KAZN: variants seen among roughly 807,000 people sequenced by gnomAD.
KAZN encodes kazrin.
Under a neutral mutation model 87.4 loss-of-function variants are expected in KAZN, and 40 were observed. That is an observed-to-expected ratio of 0.46 (90% CI 0.36 to 0.60). The LOEUF (loss-of-function observed/expected upper bound fraction) is 0.60, where lower values mean the gene tolerates loss of function less well. Among genes scored for constraint, KAZN ranks in the 20% least tolerant of loss-of-function variants. The probability of loss-of-function intolerance (pLI) is 0.00; values close to 1 mark genes in which losing one functional copy is unlikely to be tolerated. For missense variants in KAZN, 898 were observed against 1,073.9 expected (o/e 0.84, Z 2.29); for synonymous variants, 466 against 458.3 (o/e 1.02, Z -0.22).
chr1:13,982,908 A>G (rs1378335687), intron 1 of KAZN, among the ~76,000 whole-genome samples: 18 of 152,066 alleles, frequency 1.2e-4, no homozygotes, highest in Admixed American at 1.2e-3. Context: ...AAGTTCTCCA[A>G]GGCCCCACCA....
chr1:13,921,453 C>T (rs1233268261), intron 1 of KAZN, among the ~76,000 whole-genome samples: 3 of 152,180 alleles, frequency 2.0e-5, no homozygotes, highest in Non-Finnish European at 4.4e-5. Flanking sequence ...CAAAAAGAGG[C>T]AGTGGGTCTG....
At chr1:14,004,988 C>A (rs1253302703) in intron 1 of KAZN, among the ~76,000 whole-genome samples, 2 of 151,464 alleles carry the variant, frequency 1.3e-5, no homozygotes, top group African/African-American at 2.5e-5. Flanking sequence ...GAGTCCCCAT[C>A]AGCAAGAAGT....
At chr1:13,895,064 G>C (rs879368606) in intron 1 of KAZN, among the ~76,000 whole-genome samples, 3 of 152,194 alleles carry the variant, frequency 2.0e-5, no homozygotes, top group Admixed American at 2.0e-4. Context: ...TCATTGCAAA[G>C]ATTAATTAAG....
intron 1 of KAZN, among the ~76,000 whole-genome samples, chr1:14,655,800 G>A (rs996315621): frequency 2.0e-5 from 3 of 152,146 alleles, no homozygotes; most frequent in Admixed American, 2.0e-4. Flanking sequence ...GAAGTGTGCC[G>A]AACCCCTGTC....
At chr1:15,051,181 C>A (rs1674364912) in intron 4 of KAZN, among the ~76,000 whole-genome samples, 1 of 152,270 alleles carries the variant, frequency 6.6e-6, no homozygotes, top group Non-Finnish European at 1.5e-5. Context: ...CACTCATCTG[C>A]TGAAGGACCT....
chr1:14,868,771 G>C (rs1308553671), intron 1 of KAZN, among the ~76,000 whole-genome samples: 1 of 151,786 alleles, frequency 6.6e-6, no homozygotes, highest in East Asian at 1.9e-4. Context: ...TTGAGCCCAG[G>C]AACTCAAGGC....
intron 1 of KAZN, among the ~76,000 whole-genome samples, chr1:14,161,442 C>T (rs555514252): frequency 6.6e-6 from 1 of 152,318 alleles, no homozygotes; most frequent in African/African-American, 2.4e-5. Flanking sequence ...GTTTGTGCTA[C>T]TATTTAGTAA....
chr1:14,411,250 T>C (rs1664281834), intron 2 of KAZN, among the ~76,000 whole-genome samples: 2 of 152,222 alleles, frequency 1.3e-5, no homozygotes, highest in Middle Eastern at 3.4e-3. Flanking sequence ...AGAAACAAAT[T>C]ATCATTCAAG....
At chr1:14,984,061 G>C (rs1276208722) in intron 2 of KAZN, among the ~76,000 whole-genome samples, 1 of 152,150 alleles carries the variant, frequency 6.6e-6, no homozygotes, top group Admixed American at 6.5e-5. Context: ...AAATTATTTT[G>C]TGATTACAGA....
intron 8 of KAZN, among the ~76,000 whole-genome samples, chr1:15,073,558 T>G (rs4661317): frequency 0.39 from 59,705 of 152,028 alleles, 14,168 homozygotes; most frequent in East Asian, 0.79. Flanking sequence ...TTGGGGCCTT[T>G]CTAGGCCCCG....
At chr1:15,048,504 C>A (rs934451748) in intron 4 of KAZN, among the ~76,000 whole-genome samples, 1 of 152,220 alleles carries the variant, frequency 6.6e-6, no homozygotes, top group Non-Finnish European at 1.5e-5. Context: ...CCTACCGTTG[C>A]CCCCGCAGGA....
At chr1:13,912,137 T>C (rs1396158416) in intron 1 of KAZN, among the ~76,000 whole-genome samples, 1 of 152,130 alleles carries the variant, frequency 6.6e-6, no homozygotes, top group East Asian at 1.9e-4. Flanking sequence ...GTGCTCACGA[T>C]CAAAGGCAGC....
rs375029668 is a variant in KAZN at position 15,043,949 on chromosome 1, C to T, written c.556-40C>T. ...CATCCCTGGGCCAGGAGGAGCCTGGCTGTAACACCCACGGTGCTCTCTCCC... is the reference window on the plus strand; with the variant it reads ...CATCCCTGGGCCAGGAGGAGCCTGGTTGTAACACCCACGGTGCTCTCTCCC... On this transcript the variant is annotated intron_variant, in intron 3 of 14. Transcript: ENST00000376030. The T allele has an allele frequency of 2.5e-5, 39 of 1,565,192 alleles. 1 individual carries two copies. In the Admixed American group the frequency reaches 3.0e-4, roughly 12 times the overall value.
intron 1 of KAZN, among the ~76,000 whole-genome samples, chr1:14,676,028 C>T (rs1640197396): frequency 1.3e-5 from 2 of 151,820 alleles, no homozygotes; most frequent in Non-Finnish European, 1.5e-5. Flanking sequence ...AGATGCTGAC[C>T]GGACGTGTTG....
At chr1:14,072,177 T>C (rs1364409656) in intron 1 of KAZN, among the ~76,000 whole-genome samples, 1 of 152,218 alleles carries the variant, frequency 6.6e-6, no homozygotes, top group Non-Finnish European at 1.5e-5. Flanking sequence ...ATGATGATGA[T>C]ATTTACATTA....
intron 1 of KAZN, among the ~76,000 whole-genome samples, chr1:14,689,301 G>A (rs991476245): frequency 3.9e-5 from 6 of 152,196 alleles, no homozygotes; most frequent in Non-Finnish European, 2.9e-5. Context: ...CTTACAGAGA[G>A]CTACTCAGGG....
chr1:14,461,732 CCCA>C (rs1482330086), intron 2 of KAZN, among the ~76,000 whole-genome samples: 2 of 152,162 alleles, frequency 1.3e-5, no homozygotes, highest in Admixed American at 1.3e-4. Flanking sequence ...ACAAATGAAC[CCCA>C]CCTATTTCTT....
intron 2 of KAZN, among the ~76,000 whole-genome samples, chr1:14,498,419 C>A (rs1418265101): frequency 2.6e-5 from 4 of 152,204 alleles, no homozygotes; most frequent in Non-Finnish European, 5.9e-5. Context: ...AGGCCAGGCA[C>A]GATGGCTCAT....
Position 14,296,629 on chromosome 1 carries a change from CTTTTTTTTTTTT to C in KAZN, c.249+116050_249+116061del, listed in dbSNP as rs775666706. ...AATGTAGGGCTGAGTTTTTGTATTTCTTTTTTTTTTTTTTTTTTTTTTTTGAGACAAAATCTT... is the reference window on the plus strand; with the variant it reads ...AATGTAGGGCTGAGTTTTTGTATTTCTTTTTTTTTTTTGAGACAAAATCTT... On this transcript the variant is annotated intron_variant, in intron 2 of 16. Coordinates refer to the KAZN transcript ENST00000636203. Among the ~76,000 whole-genome samples, 10 of 82,758 alleles carry C rather than the reference CTTTTTTTTTTTT, an allele frequency of 1.2e-4. No homozygotes were observed. In the East Asian group the frequency reaches 1.2e-3, roughly 10 times the overall value. 54.3% of individuals were successfully genotyped at this position (82,758 alleles called of 152,430 possible).
Sources: allele counts gnomAD v4.1 joint callset (sites outside exome capture counted in the v4.1 genomes callset), GRCh38; gene constraint gnomAD v4.1.1; transcripts MANE v1.5; gene names NCBI Gene and HGNC (gene_info 2026-07-23, HGNC 2026-07-21).